NRG3: variants seen among roughly 807,000 people sequenced by gnomAD.
NRG3 encodes the protein neuregulin 3.
In NRG3, 31 loss-of-function variants were observed where a neutral mutation model predicts 66.9. The ratio of observed to expected loss-of-function variants is 0.46; its 90% CI spans 0.35 to 0.63. The LOEUF (loss-of-function observed/expected upper bound fraction) is 0.63. Among genes scored for constraint, NRG3 ranks in the 20% least tolerant of loss-of-function variants. The pLI is 0.00. For synonymous variants in NRG3, 393 were observed against 359.4 expected (o/e 1.09, Z -1.06); for missense variants, 910 against 878.9 (o/e 1.04, Z -0.45).
chr10:82,073,971 C>T (rs574845600), intron 1 of NRG3, among the ~76,000 whole-genome samples: 1 of 151,792 alleles, frequency 6.6e-6, no homozygotes, highest in Non-Finnish European at 1.5e-5. Flanking sequence ...AGTGGCAAAA[C>T]CAGACAATCA....
At chr10:82,416,337 C>T (rs932193059) in intron 2 of NRG3, among the ~76,000 whole-genome samples, 3 of 152,174 alleles carry the variant, frequency 2.0e-5, no homozygotes, top group Non-Finnish European at 2.9e-5. Flanking sequence ...AGCAGGAAGA[C>T]GGCACCAAGG....
At chr10:82,744,049 C>A (rs940189165) in intron 3 of NRG3, among the ~76,000 whole-genome samples, 1 of 152,090 alleles carries the variant, frequency 6.6e-6, no homozygotes. Flanking sequence ...ATCTGTAGAA[C>A]AATTCCATGG....
intron 1 of NRG3, among the ~76,000 whole-genome samples, chr10:82,060,413 A>T (rs545086077): frequency 6.6e-6 from 1 of 152,322 alleles, no homozygotes; most frequent in South Asian, 2.1e-4. Flanking sequence ...TTCTACCATG[A>T]ATCCTTCCAG....
chr10:82,810,331 T>C (rs1408824455), intron 3 of NRG3, among the ~76,000 whole-genome samples: 2 of 152,226 alleles, frequency 1.3e-5, no homozygotes, highest in African/African-American at 4.8e-5. Context: ...TTGTGAATGA[T>C]TTAGCAGTGG....
chr10:82,667,896 A>AT (rs1401844992), intron 2 of NRG3, among the ~76,000 whole-genome samples: 17 of 152,310 alleles, frequency 1.1e-4, no homozygotes, highest in Middle Eastern at 3.4e-3. Context: ...CATGAGGAAA[A>AT]TTTTAGATGC....
chr10:82,105,238 C>T (rs902322174), intron 1 of NRG3, among the ~76,000 whole-genome samples: 1 of 152,118 alleles, frequency 6.6e-6, no homozygotes, highest in African/African-American at 2.4e-5. Flanking sequence ...GATTCAAGTG[C>T]AGCAAAGTTT....
intron 1 of NRG3, among the ~76,000 whole-genome samples, chr10:82,317,990 A>G (rs2081377960): frequency 6.6e-6 from 1 of 152,062 alleles, no homozygotes. Context: ...CAGAGTAAAA[A>G]TTCAGGGAAT....
chr10:81,891,029 C>T (rs1023322891), intron 1 of NRG3, among the ~76,000 whole-genome samples: 1 of 152,192 alleles, frequency 6.6e-6, no homozygotes, highest in Non-Finnish European at 1.5e-5. Context: ...ATAAATCACA[C>T]ATGCTGCATT....
At chr10:82,655,384 A>G (rs1342742520) in intron 2 of NRG3, among the ~76,000 whole-genome samples, 2 of 152,164 alleles carry the variant, frequency 1.3e-5, no homozygotes, top group African/African-American at 4.8e-5. Flanking sequence ...AATAAAAACA[A>G]TAGGATATTT....
intron 2 of NRG3, among the ~76,000 whole-genome samples, chr10:82,604,808 T>C (rs376615433): frequency 6.6e-6 from 1 of 152,286 alleles, no homozygotes; most frequent in Admixed American, 6.5e-5. Context: ...AATTTCTTTT[T>C]CTTTTTTAAT....
chr10:82,583,700 A>C lies in NRG3; in HGVS notation c.954-154877A>C, dbSNP rs1435692364. On this transcript the variant is annotated intron_variant, in intron 2 of 8. Transcript: ENST00000372141. ...TTTGGTCCATAAGCATGCTACTCATACAGTTCCACAGGACCCCATGCTAAA... is the reference window on the plus strand; with the variant it reads ...TTTGGTCCATAAGCATGCTACTCATCCAGTTCCACAGGACCCCATGCTAAA... Among the ~76,000 whole-genome samples, 19 of 152,190 alleles carry C rather than the reference A, an allele frequency of 1.2e-4. 1 individual carries two copies. The highest frequency in any genetic ancestry group is 1.2e-3 in the Admixed American group (19 of 15,284).
chr10:82,583,302 T>C (rs1472031159), intron 2 of NRG3, among the ~76,000 whole-genome samples: 1 of 152,180 alleles, frequency 6.6e-6, no homozygotes, highest in Non-Finnish European at 1.5e-5. Flanking sequence ...AAAAAAATAA[T>C]ACTGATTCAG....
intron 3 of NRG3, among the ~76,000 whole-genome samples, chr10:82,849,751 A>G (rs1030309027): frequency 6.6e-6 from 1 of 152,182 alleles, no homozygotes; most frequent in Non-Finnish European, 1.5e-5. Flanking sequence ...TAAGAGGTTA[A>G]TGTGGCTGAA....
chr10:81,960,830 T>C lies in NRG3; in HGVS notation c.823+84667T>C, dbSNP rs537632549. ...GCTCGATGAAGTTCAACACTTCCTATTTCAAGGTGGTGACACCCTCTACAA... is the reference window on the plus strand; with the variant it reads ...GCTCGATGAAGTTCAACACTTCCTACTTCAAGGTGGTGACACCCTCTACAA... On this transcript the variant is annotated intron_variant, in intron 1 of 8. Coordinates refer to ENST00000372141, the MANE Select transcript of NRG3 (RefSeq NM_001010848.4). Among the ~76,000 whole-genome samples the C allele has an allele frequency of 7.2e-5, 11 of 152,204 alleles. No individual in the cohort carries two copies. In the South Asian group the frequency reaches 2.3e-3, roughly 32 times the overall value.
intron 1 of NRG3, among the ~76,000 whole-genome samples, chr10:82,192,613 T>A (rs2074216410): frequency 6.6e-6 from 1 of 152,202 alleles, no homozygotes; most frequent in South Asian, 2.1e-4. Flanking sequence ...TCCCTGCTCT[T>A]GACTTCCTGC....
chr10:82,583,731 C>T (rs1452250446), intron 2 of NRG3, among the ~76,000 whole-genome samples: 1 of 152,150 alleles, frequency 6.6e-6, no homozygotes, highest in Non-Finnish European at 1.5e-5. Context: ...CTAAAAAGGG[C>T]CTTCCACTCG....
At chr10:82,416,228 T>G (rs1452929948) in intron 2 of NRG3, among the ~76,000 whole-genome samples, 1 of 152,216 alleles carries the variant, frequency 6.6e-6, no homozygotes, top group Non-Finnish European at 1.5e-5. Context: ...GTAGTTAACC[T>G]ATTCTGGAAT....
At chr10:82,722,909 T>C (rs1382621050) in intron 2 of NRG3, among the ~76,000 whole-genome samples, 1 of 152,120 alleles carries the variant, frequency 6.6e-6, no homozygotes, top group African/African-American at 2.4e-5. Flanking sequence ...GGAAAGCAGT[T>C]TGGAGATTTC....
intron 2 of NRG3, among the ~76,000 whole-genome samples, chr10:82,366,708 A>G (rs997670270): frequency 1.3e-5 from 2 of 152,174 alleles, no homozygotes; most frequent in Non-Finnish European, 2.9e-5. Context: ...AAAGAAAAAT[A>G]CACTTTCATG....
Sources: gnomAD v4.1 joint callset for allele counts (sites outside exome capture counted in the v4.1 genomes callset) on GRCh38, gnomAD v4.1.1 for gene constraint, MANE v1.5 for transcripts, NCBI Gene and HGNC (gene_info 2026-07-23, HGNC 2026-07-21) for gene names.